SRRT: variants seen among roughly 807,000 people sequenced by gnomAD.
SRRT encodes serrate, RNA effector molecule.
SRRT carries 32 observed loss-of-function variants against 103.2 expected under a neutral mutation model. That is an observed-to-expected ratio of 0.31 (90% CI 0.23 to 0.42). SRRT has a LOEUF of 0.42. Among genes scored for constraint, SRRT ranks in the 10% least tolerant of loss-of-function variants. The pLI, the probability that SRRT is intolerant of heterozygous loss-of-function variation, is 1.00. For missense variants in SRRT, 986 were observed against 1,207.5 expected (o/e 0.82, Z 2.72); for synonymous variants, 525 against 449.0 (o/e 1.17, Z -2.14).
chr7:100,881,198 C>T (rs1816282280), intron 2 of SRRT, 87 bp from the exon 3 acceptor site: 2 of 1,469,806 alleles, frequency 1.4e-6, no homozygotes, highest in Non-Finnish European at 9.3e-7. Flanking sequence ...CTCAAGTGTT[C>T]TCTGCCTCGG....
In SRRT at chr7:100,875,599, CAGTG is replaced by C. The variant is rs1338785518; in HGVS notation, c.11_14del (p.Ser4MetfsTer76). The C allele has an allele frequency of 6.2e-7, 1 of 1,613,866 alleles. No individual in the cohort carries two copies. Among genetic ancestry groups the C allele is most frequent in the Admixed American group, 1.7e-5 (1 of 60,002 alleles). On this transcript the variant is annotated frameshift_variant, in exon 2 of 20. Coordinates refer to ENST00000611405, the MANE Select transcript of SRRT (RefSeq NM_015908.6). LOFTEE classifies it high-confidence loss of function. ...CCCCCTCAGACCGTGCCATGGGTGA[CAGTG>C]ATGACGAGTACGATCGAAGGCGCAG...
At chr7:100,886,751 C>G in intron 13 of SRRT, 44 bp from the exon 14 acceptor site, 1 of 1,607,510 alleles carries the variant, frequency 6.2e-7, no homozygotes, top group Non-Finnish European at 8.5e-7. Flanking sequence ...GTTACCTCCT[C>G]TGAAGGTCTT....
At chr7:100,883,131 C>G (rs1789733320) in intron 5 of SRRT, 1 of 152,478 alleles carries the variant, frequency 6.6e-6, no homozygotes, top group African/African-American at 2.4e-5. Flanking sequence ...TTCCTTTCCT[C>G]TTCTGCCCCA....
intron 1 of SRRT, 104 bp downstream of exon 1, chr7:100,875,432 C>A: frequency 6.8e-7 from 1 of 1,468,716 alleles, no homozygotes; most frequent in Non-Finnish European, 9.0e-7. Flanking sequence ...GGTGTTGGAG[C>A]CGCGTTCTCA....
intron 3 of SRRT, 40 bp downstream of exon 3, chr7:100,881,453 G>T (rs1484634021): frequency 1.9e-6 from 3 of 1,600,504 alleles, no homozygotes; most frequent in South Asian, 1.1e-5. Context: ...CTTTGCCTCA[G>T]TTCCACCTGG....
In SRRT at chr7:100,888,378, C is replaced by T. The variant is rs774243732; in HGVS notation, c.2550C>T (p.Arg850=). Residue 850 remains arginine (R), a synonymous_variant, in exon 19 of 20, where the codon CGC becomes CGT. Coordinates refer to ENST00000611405, the MANE Select transcript of SRRT (RefSeq NM_015908.6). ...RGQGGYPGKP[R]NRMVRGDPRA... ...AGGGAGGTTATCCTGGGAAACCTCG[C>T]AACAGGTGAGGAGGGCAGACGCCCA... 9 of 1,613,862 alleles carry T rather than the reference C, an allele frequency of 5.6e-6. No homozygotes were observed. Among genetic ancestry groups the T allele is most frequent in the South Asian group, 1.1e-5 (1 of 91,062 alleles).
chr7:100,882,349 G>T lies in SRRT; in HGVS notation c.587+108G>T. Reference sequence around the variant, plus strand: ...CAGTTTTCCCTGTCCAGAACTTTCTGGGGGCGGGGGTCGGGAAGTATGACA... The same window carrying T: ...CAGTTTTCCCTGTCCAGAACTTTCTTGGGGCGGGGGTCGGGAAGTATGACA... On this transcript the variant is annotated intron_variant, in intron 5 of 19. Coordinates refer to ENST00000611405, the MANE Select transcript of SRRT (RefSeq NM_015908.6). The surrounding 1 kb of genome is among the most constrained non-coding windows in gnomAD (Gnocchi z 4.2). 7.7e-7 allele frequency: 1 copy of T among 1,298,502 alleles called. No individual in the cohort carries two copies. Among genetic ancestry groups the T allele is most frequent in the South Asian group, 1.5e-5 (1 of 68,702 alleles). 80.4% of individuals were successfully genotyped at this position (1,298,502 alleles called of 1,614,324 possible).
intron 2 of SRRT, chr7:100,880,794 A>AT (rs1180777821): frequency 1.7e-5 from 6 of 349,744 alleles, no homozygotes; most frequent in African/African-American, 1.3e-4. Context: ...AGCAGGGGTG[A>AT]TTCATGTGGG....
chr7:100,884,717 C>T, intron 7 of SRRT, 23 bp from the exon 8 acceptor site: 2 of 1,608,928 alleles, frequency 1.2e-6, no homozygotes, highest in African/African-American at 1.3e-5. Flanking sequence ...TTTGACATCC[C>T]CAGTGGTTGT....
In SRRT at chr7:100,885,135, G is replaced by A. The variant is rs919799255; in HGVS notation, c.1160-78G>A. ...TGACGGGAGGGTGGGTGGCTTTTAGGGGAAAGCTTCTGTATCCTCCCCACC... is the reference window on the plus strand; with the variant it reads ...TGACGGGAGGGTGGGTGGCTTTTAGAGGAAAGCTTCTGTATCCTCCCCACC... On this transcript the variant is annotated intron_variant, in intron 9 of 19. Transcript: ENST00000611405. The surrounding 1 kb of genome is among the most constrained non-coding windows in gnomAD (Gnocchi z 4.8). 1.9e-6 allele frequency: 3 copies of A among 1,602,056 alleles called. No homozygotes were observed. The highest frequency in any genetic ancestry group is 1.7e-5 in the Admixed American group (1 of 59,126).
chr7:100,875,545 A>C, intron 1 of SRRT, 28 bp from the exon 2 acceptor site: 1 of 1,610,120 alleles, frequency 6.2e-7, no homozygotes, highest in Non-Finnish European at 8.5e-7. Flanking sequence ...CTTTTGCACC[A>C]CTCCTACCGC....
In SRRT at chr7:100,885,552, T is replaced by C; in HGVS notation, c.1318-149T>C. 1.8e-6 allele frequency: 2 copies of C among 1,089,390 alleles called. No homozygotes were observed. The highest frequency in any genetic ancestry group is 2.7e-6 in the Non-Finnish European group (2 of 749,386). 67.5% of individuals were successfully genotyped at this position (1,089,390 alleles called of 1,614,324 possible). On this transcript the variant is annotated intron_variant, in intron 10 of 19. Transcript: ENST00000611405. This position sits in a 1 kb window ranked among gnomAD's most constrained non-coding sequence, Gnocchi z 4.8. The stretch of plus-strand genomic sequence containing the variant: ...GCCATTGGCTTTCAGGTGCTGGTGT[T>C]CTGAAGCCCTTTAGTGGTTTTTCCC...
At chr7:100,877,675 C>T (rs1277214794) in intron 2 of SRRT, among the ~76,000 whole-genome samples, 2 of 151,728 alleles carry the variant, frequency 1.3e-5, no homozygotes, top group Non-Finnish European at 2.9e-5. Context: ...GTGCGTGCCA[C>T]TCTGCCTGGC....
rs368720237 is a variant in SRRT at position 100,888,595 on chromosome 7, C to A, written c.*46C>A. The stretch of plus-strand genomic sequence containing the variant: ...CCTGTATCATCCATACTTGTACTAC[C>A]TTGTCCTATGAAGCTCTGAGAATTT... On this transcript the variant is annotated 3_prime_UTR_variant, in exon 20 of 20. Coordinates refer to ENST00000611405, the MANE Select transcript of SRRT (RefSeq NM_015908.6). The A allele has an allele frequency of 9.0e-5, 145 of 1,609,930 alleles. No individual in the cohort carries two copies. Among genetic ancestry groups the A allele is most frequent in the Non-Finnish European group, 1.2e-4 (141 of 1,176,234 alleles).
At chr7:100,876,188 G>A (rs991390112) in intron 2 of SRRT, among the ~76,000 whole-genome samples, 6 of 152,192 alleles carry the variant, frequency 3.9e-5, no homozygotes, top group African/African-American at 1.4e-4. Flanking sequence ...GTCTTGCCCT[G>A]TCGCCCAGGC....
chr7:100,881,352 G>C lies in SRRT; in HGVS notation c.190G>C (p.Glu64Gln). 2 of 1,613,594 alleles carry C rather than the reference G, an allele frequency of 1.2e-6. No homozygotes were observed. Among genetic ancestry groups the C allele is most frequent in the Non-Finnish European group, 1.7e-6 (2 of 1,179,878 alleles). ...TCGGGACTATGACCGGAATCGGCGA[G>C]AGCGCTTCTCGCCACCTCGCCACGA... Reference protein sequence around the residue: ...EYRDYDRNRRERFSPPRHELS... With the variant: ...EYRDYDRNRRQRFSPPRHELS... The change falls in exon 3 of 20, where the codon GAG becomes CAG. Residue 64 changes from glutamate to glutamine, a missense_variant. Around this residue, in one of 6 missense-constraint regions of SRRT, gnomAD observed 274 missense variants for 358.5 expected, o/e 0.76. Transcript: ENST00000611405.
chr7:100,888,149 T>G lies in SRRT; in HGVS notation c.2428+6T>G. On this transcript the variant is annotated splice_donor_region_variant and intron_variant, in intron 18 of 19. Coordinates refer to ENST00000611405, the MANE Select transcript of SRRT (RefSeq NM_015908.6). ...CCCGATCTTGGGCTATGGAGGTAAGTACAGGAGGGAGATGAAGGGGCTTGG... is the reference window on the plus strand; with the variant it reads ...CCCGATCTTGGGCTATGGAGGTAAGGACAGGAGGGAGATGAAGGGGCTTGG... 3 of 1,609,410 alleles carry G rather than the reference T, an allele frequency of 1.9e-6. No individual in the cohort carries two copies. Among genetic ancestry groups the G allele is most frequent in the Non-Finnish European group, 2.5e-6 (3 of 1,177,640 alleles).
intron 2 of SRRT, among the ~76,000 whole-genome samples, chr7:100,877,419 CAAAA>C (rs869150232): frequency 0.011 from 777 of 69,048 alleles, 3 homozygotes; most frequent in African/African-American, 0.032. Flanking sequence ...GACTCTGTCT[CAAAA>C]AAAAAAAAAA....
At position 100,881,680 on chromosome 7, in the gene SRRT, A is replaced by T. The variant is rs776395310; in HGVS notation, c.273A>T (p.Pro91=). The T allele has an allele frequency of 2.5e-6, 4 of 1,613,968 alleles. No individual in the cohort carries two copies. Among genetic ancestry groups the T allele is most frequent in the Non-Finnish European group, 3.4e-6 (4 of 1,179,996 alleles). Residue 91 remains proline (P), a synonymous_variant, in exon 4 of 20, where the codon CCA becomes CCT. Transcript: ENST00000611405. ...TCAGGGATGAGCACAGCTCTGACCC[A>T]TACCACAGTGGCTATGAGATGCCCT... is the stretch of plus-strand genomic sequence containing the variant. ...RRDWDEHSSD[P]YHSGYEMPYA...
Sources: gnomAD v4.1 joint callset for allele counts (sites outside exome capture counted in the v4.1 genomes callset) on GRCh38, gnomAD v4.1.1 for gene constraint, gnomAD v4.1.1 regional missense constraint, Gnocchi (gnomAD v3.1) non-coding constraint, MANE v1.5 for transcripts, NCBI Gene and HGNC (gene_info 2026-07-23, HGNC 2026-07-21) for gene names.